The following PAICS variants were observed in gnomAD, a reference collection of about 807,000 sequenced individuals.
The protein encoded by PAICS is phosphoribosylaminoimidazole carboxylase and phosphoribosylaminoimidazolesuccinocarboxamide synthase, also known as bifunctional phosphoribosylaminoimidazole carboxylase/phosphoribosylaminoimidazole succinocarboxamide synthetase.
A neutral mutation model predicts 53.7 loss-of-function variants in PAICS; 33 were observed. The ratio of observed to expected loss-of-function variants is 0.61; its 90% CI spans 0.47 to 0.82. The LOEUF is 0.82. Ranked by LOEUF, PAICS falls within the 40% of genes least tolerant of loss-of-function variation. PAICS has a pLI of 0.00. For synonymous variants in PAICS, 141 were observed against 167.2 expected (o/e 0.84, Z 1.21); for missense variants, 394 against 494.1 (o/e 0.80, Z 1.92).
At chr4:56,417,835 G>GTTTTTTTTTTTTTTTTTTTTTTTTTTT in the PAICS span, among the ~76,000 whole-genome samples, 1 of 102,524 alleles carries the variant, frequency 9.8e-6, no homozygotes, top group African/African-American at 3.5e-5. Context: ...TGAAGATTTG[G>GTTTTTTTTTTTTTTTTTTTTTTTTTTT]TTTTTTGTTT....
intron 2 of PAICS, chr4:56,442,137 C>T: frequency 7.0e-6 from 2 of 284,790 alleles, no homozygotes; most frequent in Non-Finnish European, 1.3e-5. Context: ...AGGCCATCTT[C>T]ACTTTAAGGA....
chr4:56,450,257 G>A (rs1578155506), intron 5 of PAICS, among the ~76,000 whole-genome samples: 1 of 152,190 alleles, frequency 6.6e-6, no homozygotes, highest in East Asian at 1.9e-4. Flanking sequence ...GTTGATGGGT[G>A]CAGCAAACTA....
chr4:56,419,343 G>GT, the PAICS span, among the ~76,000 whole-genome samples: 45 of 152,094 alleles, frequency 3.0e-4, no homozygotes, highest in East Asian at 7.3e-3. Context: ...TACTAAAGGA[G>GT]TGGTATGGAA....
intron 2 of PAICS, among the ~76,000 whole-genome samples, chr4:56,445,942 G>C (rs1459053455): frequency 6.6e-6 from 1 of 152,166 alleles, no homozygotes; most frequent in Non-Finnish European, 1.5e-5. Context: ...GGCTCCTAGA[G>C]ACAGGGTAGG....
intron 8 of PAICS, among the ~76,000 whole-genome samples, chr4:56,457,067 CAA>C (rs1264278289): frequency 6.6e-6 from 1 of 152,122 alleles, no homozygotes; most frequent in Non-Finnish European, 1.5e-5. Context: ...ACTCAGAGAA[CAA>C]AAGTTGTCTG....
the PAICS span, chr4:56,410,672 TAC>T: frequency 7.1e-6 from 7 of 986,342 alleles, no homozygotes; most frequent in Non-Finnish European, 8.4e-6. Flanking sequence ...ATTAGGAGTA[TAC>T]AGAGACTGGA....
chr4:56,440,260 T>C (rs1718269067), intron 1 of PAICS, among the ~76,000 whole-genome samples: 1 of 152,200 alleles, frequency 6.6e-6, no homozygotes, highest in South Asian at 2.1e-4. Flanking sequence ...AATAAGAGTT[T>C]GGAGCAGTAA....
chr4:56,459,570 AACTAC>A lies in PAICS; in HGVS notation c.*34_*38del, dbSNP rs767501873. 4.0e-5 allele frequency: 59 copies of A among 1,469,048 alleles called. No homozygotes were observed. Among genetic ancestry groups the A allele is most frequent in the Non-Finnish European group, 5.3e-5 (57 of 1,081,844 alleles). 91.0% of individuals were successfully genotyped at this position (1,469,048 alleles called of 1,614,324 possible). A position where few individuals can be genotyped will look rare whatever the true frequency, so the allele number is the denominator to read the frequency against. On this transcript the variant is annotated 3_prime_UTR_variant, in exon 9 of 9. Coordinates refer to ENST00000512576, the MANE Select transcript of PAICS (RefSeq NM_001079524.2). ...ATGCCATTGAATTTTTTAGGGGAAA[AACTAC>A]AAATTTCTAATTTAGCTGAAGGAAA...
chr4:56,441,199 T>G (rs1718319393), intron 1 of PAICS, among the ~76,000 whole-genome samples: 1 of 152,212 alleles, frequency 6.6e-6, no homozygotes, highest in African/African-American at 2.4e-5. Flanking sequence ...AAAAATCGCA[T>G]ATTTTTTCCT....
the PAICS span, chr4:56,421,819 A>C: frequency 6.8e-6 from 1 of 146,472 alleles, no homozygotes; most frequent in African/African-American, 2.5e-5. Context: ...GATGCAGCTA[A>C]AGATGATTCC....
chr4:56,453,559 T>G, intron 7 of PAICS, 44 bp from the exon 8 acceptor site: 1 of 1,343,140 alleles, frequency 7.4e-7, no homozygotes, highest in Non-Finnish European at 1.0e-6. Flanking sequence ...TCTTTAAATC[T>G]GTTTTGAATG....
At chr4:56,453,574 G>A in intron 7 of PAICS, 29 bp from the exon 8 acceptor site, 3 of 1,470,574 alleles carry the variant, frequency 2.0e-6, no homozygotes, top group East Asian at 2.4e-5. Flanking sequence ...TGAATGTTTA[G>A]CATAATTATA....
At chr4:56,443,179 T>C (rs548528618) in intron 2 of PAICS, among the ~76,000 whole-genome samples, 1 of 152,266 alleles carries the variant, frequency 6.6e-6, no homozygotes, top group East Asian at 1.9e-4. Context: ...TATTTATTTA[T>C]TTTATTTTTT....
At chr4:56,413,282 G>A in the PAICS span, among the ~76,000 whole-genome samples, 11 of 152,068 alleles carry the variant, frequency 7.2e-5, no homozygotes, top group African/African-American at 2.7e-4. Flanking sequence ...TCAGCCTCCT[G>A]AGCTGGGATT....
chr4:56,430,817 C>G (rs1298251892), upstream of PAICS, among the ~76,000 whole-genome samples: 1 of 151,718 alleles, frequency 6.6e-6, no homozygotes, highest in Admixed American at 6.6e-5. Context: ...GAAACAGACT[C>G]AGAAGTTAGA....
the PAICS span, among the ~76,000 whole-genome samples, chr4:56,412,314 T>TC: frequency 6.6e-6 from 1 of 151,922 alleles, no homozygotes; most frequent in Non-Finnish European, 1.5e-5. Flanking sequence ...ATCACCTTTT[T>TC]TTTTTTTTTT....
Position 56,453,716 on chromosome 4 carries a change from G to A in PAICS, c.1066G>A (p.Asp356Asn). The A allele has an allele frequency of 6.4e-7, 1 of 1,553,476 alleles. No homozygotes were observed. Among genetic ancestry groups the A allele is most frequent in the Non-Finnish European group, 8.7e-7 (1 of 1,147,150 alleles). ...PVISCPPLTPDWGVQDVWSSL... is the reference protein window; with the variant it reads ...PVISCPPLTPNWGVQDVWSSL... Reference sequence around the variant, plus strand: ...TATCAGCTGTCCTCCCCTCACACCAGACTGGGGAGTTCAGGATGTGTGGTC... The same window carrying A: ...TATCAGCTGTCCTCCCCTCACACCAAACTGGGGAGTTCAGGATGTGTGGTC... Residue 356 changes from aspartate (D) to asparagine (N), a missense_variant, in exon 8 of 9, where the codon GAC becomes AAC. Transcript: ENST00000512576.
chr4:56,411,796 TATAATA>T, the PAICS span, among the ~76,000 whole-genome samples: 24 of 152,116 alleles, frequency 1.6e-4, no homozygotes, highest in Admixed American at 5.2e-4. Flanking sequence ...CAGTAAATAG[TATAATA>T]AAAGTACCAA....
At position 56,448,427 on chromosome 4, in the gene PAICS, A is replaced by G. The variant is rs1263342213; in HGVS notation, c.403A>G (p.Asn135Asp). Residue 135 changes from asparagine to aspartate, a missense_variant, in exon 4 of 9, where the codon AAT becomes GAT. Around this residue, in one of 3 missense-constraint regions of PAICS, gnomAD observed 168 missense variants for 199.3 expected, o/e 0.84. Transcript: ENST00000512576. ...KVELFFKDDA[N>D]NDPQWSEEQL... ...TATACTTTATTCACAGGATGATGCC[A>G]ATAATGACCCACAGTGGTCTGAGGA... The G allele has an allele frequency of 1.3e-6, 2 of 1,584,448 alleles. No homozygotes were observed. Among genetic ancestry groups the G allele is most frequent in the South Asian group, 1.1e-5 (1 of 87,224 alleles).
Sources: allele counts gnomAD v4.1 joint callset (sites outside exome capture counted in the v4.1 genomes callset), GRCh38; gene constraint gnomAD v4.1.1; regional missense constraint gnomAD v4.1.1; transcripts MANE v1.5; gene names NCBI Gene and HGNC (gene_info 2026-07-23, HGNC 2026-07-21).